CRTAC1: variants seen among roughly 807,000 people sequenced by gnomAD.
CRTAC1 encodes acidic secreted protein in cartilage.
Under a neutral mutation model 67.8 loss-of-function variants are expected in CRTAC1, and 37 were observed. The observed-to-expected ratio is 0.55, with a 90% CI of 0.42 to 0.72. CRTAC1 has a LOEUF of 0.72. Among genes scored for constraint, CRTAC1 ranks in the 30% least tolerant of loss-of-function variants. The pLI is 0.00. For missense variants in CRTAC1, 780 were observed against 931.6 expected, an observed-to-expected ratio of 0.84 and a Z score of 2.12; for synonymous variants, 348 against 371.0, an observed-to-expected ratio of 0.94 and a Z score of 0.71.
rs774949464 is a variant in CRTAC1, at chr10:97,880,409, A to G, written c.1676-17T>C. 1.2e-6 allele frequency: 2 copies of G among 1,610,260 alleles called. No homozygotes were observed. Among genetic ancestry groups the G allele is most frequent in the South Asian group, 1.1e-5 (1 of 91,022 alleles). ...CATTGGTGTCTGCAAGGCGAGGGGA[A>G]CCACTCACCATGAAGGTGTGGGGCA... is the stretch of plus-strand genomic sequence containing the variant. On this transcript the variant is annotated splice_polypyrimidine_tract_variant and intron_variant, in intron 13 of 14. Transcript: ENST00000370597.
Position 97,884,114 on chromosome 10 carries a change from A to C in CRTAC1, c.1632+92T>G, listed in dbSNP as rs573205534. 65 of 1,425,916 alleles carry C rather than the reference A, an allele frequency of 4.6e-5. No individual in the cohort carries two copies. In the South Asian group the frequency reaches 8.4e-4, roughly 18 times the overall value. The allele number at this position is 1,425,916 out of a possible 1,614,324, so 88.3% of individuals were successfully genotyped here. A position where few individuals can be genotyped will look rare whatever the true frequency, so the allele number is the denominator to read the frequency against. On this transcript the variant is annotated intron_variant, in intron 12 of 14. Coordinates refer to ENST00000370597, the MANE Select transcript of CRTAC1 (RefSeq NM_018058.7). ...AAGATTTCCATCACTCTAGAGGCTGAGTTTGCAGATTCCTGGGAACCCAGC... is the reference window on the plus strand; with the variant it reads ...AAGATTTCCATCACTCTAGAGGCTGCGTTTGCAGATTCCTGGGAACCCAGC...
chr10:97,875,559 T>C (rs1022573102), intron 14 of CRTAC1, among the ~76,000 whole-genome samples: 3 of 152,216 alleles, frequency 2.0e-5, no homozygotes, highest in African/African-American at 7.2e-5. Flanking sequence ...ACTTCTGGCA[T>C]GTTCCTGGCC....
In CRTAC1 at chr10:97,884,257, C is replaced by T; in HGVS notation, c.1581G>A (p.Glu527=). ...VASGEMNSVL[E]ILYPRDEDTL... Reference sequence around the variant, plus strand: ...TGTCCTCATCCCGGGGGTAGAGGATCTCCAGCACTGAGTTCATCTCCCCGC... The same window carrying T: ...TGTCCTCATCCCGGGGGTAGAGGATTTCCAGCACTGAGTTCATCTCCCCGC... Residue 527 remains glutamate (E), a synonymous_variant, in exon 12 of 15, where the codon GAG becomes GAA. Transcript: ENST00000370597. 6.4e-7 allele frequency: 1 copy of T among 1,564,916 alleles called. No homozygotes were observed. The highest frequency in any genetic ancestry group is 8.7e-7 in the Non-Finnish European group (1 of 1,153,674).
At chr10:97,937,957 T>C (rs2051115018) in intron 2 of CRTAC1, among the ~76,000 whole-genome samples, 1 of 152,214 alleles carries the variant, frequency 6.6e-6, no homozygotes, top group African/African-American at 2.4e-5. Context: ...CTAAGGTCTT[T>C]GAGAGAAATC....
chr10:97,882,763 C>T, intron 13 of CRTAC1, 23 bp downstream of exon 13: 1 of 1,613,610 alleles, frequency 6.2e-7, no homozygotes, highest in Non-Finnish European at 8.5e-7. Flanking sequence ...TACCCCATGC[C>T]CTGGTGACTG....
chr10:97,954,977 T>C (rs1337485365), intron 2 of CRTAC1, among the ~76,000 whole-genome samples: 1 of 152,194 alleles, frequency 6.6e-6, no homozygotes, highest in Non-Finnish European at 1.5e-5. Flanking sequence ...ACATAGCTCT[T>C]TGGGGGACCA....
At chr10:97,943,728 G>A (rs143043284) in intron 2 of CRTAC1, among the ~76,000 whole-genome samples, 22 of 152,354 alleles carry the variant, frequency 1.4e-4, no homozygotes, top group African/African-American at 4.1e-4. Context: ...TTCCATTTTC[G>A]TAAATATGGT....
At chr10:97,962,885 C>A (rs941444536) in intron 2 of CRTAC1, among the ~76,000 whole-genome samples, 11 of 151,318 alleles carry the variant, frequency 7.3e-5, no homozygotes, top group African/African-American at 2.7e-4. Flanking sequence ...CAAAAAAAAC[C>A]AAAACAAAAA....
intron 1 of CRTAC1, among the ~76,000 whole-genome samples, chr10:98,027,686 C>T (rs1444491127): frequency 2.6e-5 from 4 of 151,664 alleles, no homozygotes; most frequent in Non-Finnish European, 5.9e-5. Context: ...ATGTCCATGA[C>T]AAGAACTGTA....
intron 2 of CRTAC1, among the ~76,000 whole-genome samples, chr10:98,007,473 G>A (rs948905380): frequency 1.6e-4 from 25 of 152,158 alleles, no homozygotes; most frequent in African/African-American, 2.7e-4. Flanking sequence ...CTGAGAATTC[G>A]CAATGCTTCA....
chr10:97,996,633 G>T (rs1842576364), intron 2 of CRTAC1, among the ~76,000 whole-genome samples: 1 of 152,194 alleles, frequency 6.6e-6, no homozygotes, highest in Non-Finnish European at 1.5e-5. Flanking sequence ...TACACTGTTG[G>T]TGGGACTGTA....
chr10:97,893,333 A>G (rs1315363035), intron 11 of CRTAC1, among the ~76,000 whole-genome samples: 1 of 152,130 alleles, frequency 6.6e-6, no homozygotes, highest in Non-Finnish European at 1.5e-5. Flanking sequence ...TTCCTTTTAT[A>G]TTAAAATGGT....
rs141155644 is a variant in CRTAC1, at chr10:97,908,317, T to C, written c.716-170A>G. ...TGAGCCTAAATCTGGGCTCATGGTC[T>C]CCATGAATCTGTGTGGAAGGTAACA... On this transcript the variant is annotated intron_variant, in intron 5 of 14. Coordinates refer to ENST00000370597, the MANE Select transcript of CRTAC1 (RefSeq NM_018058.7). Among the ~76,000 whole-genome samples, 538 of 152,246 alleles carry C rather than the reference T, an allele frequency of 3.5e-3. 2 individuals are homozygous for C. Among genetic ancestry groups the C allele is most frequent in the African/African-American group, 0.012 (500 of 41,530 alleles).
chr10:97,939,024 C>T (rs763847615), intron 2 of CRTAC1, among the ~76,000 whole-genome samples: 3 of 152,180 alleles, frequency 2.0e-5, no homozygotes, highest in Non-Finnish European at 4.4e-5. Context: ...CCTTATGAGA[C>T]GATCAGAGCA....
At chr10:97,893,732 T>C (rs920892492) in intron 11 of CRTAC1, among the ~76,000 whole-genome samples, 1 of 152,294 alleles carries the variant, frequency 6.6e-6, no homozygotes, top group African/African-American at 2.4e-5. Flanking sequence ...CCCTTGATGA[T>C]GGTCACACCC....
chr10:98,006,891 T>C (rs542165613), intron 2 of CRTAC1, among the ~76,000 whole-genome samples: 16 of 152,334 alleles, frequency 1.1e-4, no homozygotes, highest in African/African-American at 3.8e-4. Context: ...TTTCAAAATT[T>C]CAACTCCTGC....
At chr10:98,013,640 AG>A (rs1842948916) in intron 1 of CRTAC1, among the ~76,000 whole-genome samples, 1 of 152,172 alleles carries the variant, frequency 6.6e-6, no homozygotes, top group Non-Finnish European at 1.5e-5. Flanking sequence ...AGTTCTCTAA[AG>A]GTCCTTTCTG....
At chr10:97,960,654 C>G (rs2051510993) in intron 2 of CRTAC1, among the ~76,000 whole-genome samples, 1 of 152,220 alleles carries the variant, frequency 6.6e-6, no homozygotes. Context: ...CAAGGCAGGA[C>G]CCTGGACAGA....
chr10:97,989,270 T>C (rs1268646991), intron 2 of CRTAC1, among the ~76,000 whole-genome samples: 3 of 151,830 alleles, frequency 2.0e-5, no homozygotes, highest in Non-Finnish European at 2.9e-5. Context: ...TCTCTCTCTC[T>C]CCCCCCACCC....
Sources: gnomAD v4.1 joint callset for allele counts (sites outside exome capture counted in the v4.1 genomes callset) on GRCh38, gnomAD v4.1.1 for gene constraint, MANE v1.5 for transcripts, NCBI Gene and HGNC (gene_info 2026-07-23, HGNC 2026-07-21) for gene names.